The following ANO3 variants were observed in gnomAD, a reference collection of about 807,000 sequenced individuals.
The protein encoded by ANO3 is anoctamin-3.
ANO3 carries 99 observed loss-of-function variants against 144.8 expected under a neutral mutation model. That is an observed-to-expected ratio of 0.68 (90% CI 0.58 to 0.81). The LOEUF is 0.81. Among genes scored for constraint, ANO3 ranks in the 30% least tolerant of loss-of-function variants. The pLI, the probability that ANO3 is intolerant of heterozygous loss-of-function variation, is 0.00. For missense variants in ANO3, 905 were observed against 1,202.2 expected (o/e 0.75, Z 3.66); for synonymous variants, 414 against 392.6 (o/e 1.05, Z -0.64).
intron 10 of ANO3, among the ~76,000 whole-genome samples, chr11:26,541,742 A>G (rs545317974): frequency 1.4e-4 from 21 of 152,296 alleles, no homozygotes; most frequent in Admixed American, 1.0e-3. Context: ...TAATTTAATA[A>G]AAGATTTTTA....
chr11:26,296,667 A>T (rs889152123), intron 1 of ANO3, among the ~76,000 whole-genome samples: 1 of 152,214 alleles, frequency 6.6e-6, no homozygotes, highest in Non-Finnish European at 1.5e-5. Context: ...CATGGGAGAT[A>T]CTTCTATTAT....
intron 4 of ANO3, among the ~76,000 whole-genome samples, chr11:26,476,120 A>T (rs1493740): frequency 0.88 from 133,595 of 152,130 alleles, 59,359 homozygotes; most frequent in South Asian, 0.96. Flanking sequence ...TTCAGTGCAC[A>T]CTATTTTGAG....
chr11:26,608,586 G>A (rs1190521856), intron 17 of ANO3, among the ~76,000 whole-genome samples: 1 of 152,152 alleles, frequency 6.6e-6, no homozygotes, highest in South Asian at 2.1e-4. Flanking sequence ...AGCCACCCCT[G>A]TCCCTGGGGA....
intron 4 of ANO3, among the ~76,000 whole-genome samples, chr11:26,485,403 T>C (rs917436292): frequency 2.0e-5 from 3 of 151,190 alleles, no homozygotes; most frequent in Non-Finnish European, 4.4e-5. Flanking sequence ...CTATTTGCTC[T>C]TTTTTTCCTG....
intron 1 of ANO3, among the ~76,000 whole-genome samples, chr11:26,241,929 G>A (rs1852671491): frequency 1.3e-5 from 2 of 152,152 alleles, no homozygotes; most frequent in South Asian, 4.1e-4. Context: ...GAGGACAGAA[G>A]CAAGTAAGAT....
At chr11:26,237,848 T>A in intron 1 of ANO3, among the ~76,000 whole-genome samples, 1 of 152,118 alleles carries the variant, frequency 6.6e-6, no homozygotes, top group East Asian at 1.9e-4. Flanking sequence ...CACAAGAGTT[T>A]TTAATCTTTA....
At chr11:26,564,107 G>A (rs1461175718) in intron 14 of ANO3, among the ~76,000 whole-genome samples, 2 of 151,600 alleles carry the variant, frequency 1.3e-5, no homozygotes, top group Non-Finnish European at 1.5e-5. Context: ...AGAGAAGTAA[G>A]CTAACTAAAT....
Position 26,441,945 on chromosome 11 carries a change from CAAAA to C in ANO3, c.75_78del (p.Glu27LeufsTer3), listed in dbSNP as rs1216263714. 6.2e-7 allele frequency: 1 copy of C among 1,613,474 alleles called. No individual in the cohort carries two copies. The highest frequency in any genetic ancestry group is 1.3e-5 in the African/African-American group (1 of 74,952). On this transcript the variant is annotated frameshift_variant, in exon 2 of 27. Coordinates refer to ENST00000256737, the MANE Select transcript of ANO3 (RefSeq NM_031418.4). LOFTEE classifies it high-confidence loss of function. ...ATGAATATAAGCAAGAGTGAGATAA[CAAAA>C]GAAACTTCGTTAAAACCGTCTCGGA... is the stretch of plus-strand genomic sequence containing the variant.
At chr11:26,382,371 G>A (rs996487047) in intron 1 of ANO3, among the ~76,000 whole-genome samples, 2 of 152,004 alleles carry the variant, frequency 1.3e-5, no homozygotes, top group Non-Finnish European at 2.9e-5. Context: ...AGTTTGCTGG[G>A]GTTTCTGGAG....
At chr11:26,423,608 T>C (rs916243149) in intron 1 of ANO3, among the ~76,000 whole-genome samples, 8 of 151,956 alleles carry the variant, frequency 5.3e-5, no homozygotes, top group African/African-American at 1.9e-4. Context: ...TAGGTAGACA[T>C]TTCCTATTCA....
intron 17 of ANO3, among the ~76,000 whole-genome samples, chr11:26,602,841 A>G (rs957967374): frequency 1.3e-5 from 2 of 151,978 alleles, no homozygotes; most frequent in African/African-American, 2.4e-5. Flanking sequence ...ACGTCCCCTC[A>G]TGTAATTGCT....
chr11:26,371,717 G>A (rs1230913678), intron 1 of ANO3, among the ~76,000 whole-genome samples: 1 of 152,210 alleles, frequency 6.6e-6, no homozygotes, highest in African/African-American at 2.4e-5. Flanking sequence ...GACTATTTTG[G>A]AACTTTAAGA....
At chr11:26,377,389 A>G (rs1322391405) in intron 1 of ANO3, among the ~76,000 whole-genome samples, 1 of 152,136 alleles carries the variant, frequency 6.6e-6, no homozygotes, top group Non-Finnish European at 1.5e-5. Context: ...AAGGAACCAC[A>G]TGAGCATATT....
chr11:26,566,082 C>T (rs1346110481), intron 14 of ANO3, among the ~76,000 whole-genome samples: 4 of 151,810 alleles, frequency 2.6e-5, no homozygotes, highest in Non-Finnish European at 2.9e-5. Flanking sequence ...CTGCTTTCCA[C>T]GTAATCTTTC....
chr11:26,344,967 A>G (rs180991203), intron 1 of ANO3, among the ~76,000 whole-genome samples: 33 of 152,314 alleles, frequency 2.2e-4, no homozygotes, highest in African/African-American at 7.2e-4. Flanking sequence ...TACATGCTCT[A>G]AAGAAACACT....
intron 1 of ANO3, among the ~76,000 whole-genome samples, chr11:26,300,764 C>A (rs1025035691): frequency 2.0e-5 from 3 of 152,066 alleles, no homozygotes; most frequent in Non-Finnish European, 4.4e-5. Context: ...AATAACATAA[C>A]CTTGCATAAT....
At chr11:26,564,724 CACACACACATATATATATATATAT>C (rs1466486537) in intron 14 of ANO3, among the ~76,000 whole-genome samples, 30 of 57,368 alleles carry the variant, frequency 5.2e-4, no homozygotes, top group African/African-American at 7.3e-4. Flanking sequence ...CACACACACA[CACACACACATATATATATATATAT>C]ATATATATAT....
chr11:26,202,682 C>G (rs1851721030), intron 1 of ANO3, among the ~76,000 whole-genome samples: 1 of 151,560 alleles, frequency 6.6e-6, no homozygotes, highest in Admixed American at 6.6e-5. Flanking sequence ...AAGGGAATGT[C>G]ATGGTCAACC....
intron 17 of ANO3, among the ~76,000 whole-genome samples, chr11:26,602,402 G>C (rs576403915): frequency 6.6e-6 from 1 of 152,094 alleles, no homozygotes; most frequent in African/African-American, 2.4e-5. Flanking sequence ...CATCTTATCA[G>C]ATACATTTAT....
Sources: allele counts gnomAD v4.1 joint callset (sites outside exome capture counted in the v4.1 genomes callset), GRCh38; gene constraint gnomAD v4.1.1; transcripts MANE v1.5; gene names NCBI Gene and HGNC (gene_info 2026-07-23, HGNC 2026-07-21).